The following TINAG variants were observed in gnomAD, a reference collection of about 807,000 sequenced individuals.
The protein encoded by TINAG is tubulointerstitial nephritis antigen.
A neutral mutation model predicts 72.7 loss-of-function variants in TINAG; 83 were observed. That is an observed-to-expected ratio of 1.14 (90% CI 0.96 to 1.37). TINAG has a LOEUF of 1.37. Ranked by LOEUF, TINAG falls within the 40% of genes most tolerant of loss-of-function variation. The pLI, the probability that TINAG is intolerant of heterozygous loss-of-function variation, is 0.00. For missense variants in TINAG, 685 were observed against 576.6 expected (o/e 1.19, Z -1.93); for synonymous variants, 234 against 189.9 (o/e 1.23, Z -1.91).
intron 1 of TINAG, among the ~76,000 whole-genome samples, chr6:54,311,632 T>TTC (rs1172318720): frequency 1.3e-5 from 2 of 152,168 alleles, no homozygotes. Context: ...GGGTTTGAGC[T>TTC]TCTCTTCATA....
At chr6:54,371,133 TG>T (rs1763591527) in intron 9 of TINAG, among the ~76,000 whole-genome samples, 1 of 150,106 alleles carries the variant, frequency 6.7e-6, no homozygotes, top group Non-Finnish European at 1.5e-5. Context: ...TGTGTGTGTG[TG>T]TGTGTCAGAG....
chr6:54,349,211 T>C (rs1389945978), intron 6 of TINAG, among the ~76,000 whole-genome samples: 1 of 151,848 alleles, frequency 6.6e-6, no homozygotes, highest in African/African-American at 2.4e-5. Context: ...GTTTGTATTA[T>C]GTGAACATAT....
At chr6:54,364,939 G>T (rs535889503) in intron 9 of TINAG, among the ~76,000 whole-genome samples, 2 of 151,412 alleles carry the variant, frequency 1.3e-5, no homozygotes, top group South Asian at 4.2e-4. Flanking sequence ...ATTATTTAGG[G>T]CAATTACAAA....
rs1191382973 is a variant in TINAG at position 54,326,891 on chromosome 6, T to C, written c.599T>C (p.Met200Thr). ...CTTGGCACTTTGCCACCTAGTCCCA[T>C]GCTCCTGAGCATGAATGAAATGACA... is the stretch of plus-strand genomic sequence containing the variant. Reference protein sequence around the residue: ...FRLGTLPPSPMLLSMNEMTAS... With the variant: ...FRLGTLPPSPTLLSMNEMTAS... The change falls in exon 4 of 11, where the codon ATG (methionine) becomes ACG (threonine). Residue 200 changes from methionine (M) to threonine (T), a missense_variant. Transcript: ENST00000259782. 3.7e-6 allele frequency: 6 copies of C among 1,612,638 alleles called. No individual in the cohort carries two copies. The South Asian group carries it at 5.5e-5, about 15-fold the overall frequency.
In TINAG at chr6:54,370,799, T is replaced by C. The variant is rs1056416680; in HGVS notation, c.1251-9727T>C. On this transcript the variant is annotated intron_variant, in intron 9 of 10. Coordinates refer to ENST00000259782, the MANE Select transcript of TINAG (RefSeq NM_014464.4). Reference sequence around the variant, plus strand: ...ATTTTTTTTCTGTTTTCAGTGCTGATTGAATCATGTTGCCTTGTCTGTCAG... The same window carrying C: ...ATTTTTTTTCTGTTTTCAGTGCTGACTGAATCATGTTGCCTTGTCTGTCAG... Among the ~76,000 whole-genome samples the C allele has an allele frequency of 6.6e-5, 10 of 152,132 alleles. No homozygotes were observed. The East Asian group carries it at 1.9e-3, about 29-fold the overall frequency.
In TINAG at chr6:54,335,463, T is replaced by C. The variant is rs187691296; in HGVS notation, c.625-7763T>C. 1.4e-3 allele frequency among the ~76,000 whole-genome samples: 213 copies of C among 152,252 alleles called. 1 individual carries two copies. The Middle Eastern group carries it at 0.037, about 27-fold the overall frequency. On this transcript the variant is annotated intron_variant, in intron 4 of 10. Coordinates refer to ENST00000259782, the MANE Select transcript of TINAG (RefSeq NM_014464.4). ...AGTAAGAGTTCTATTACACTTACGA[T>C]GTAAGTCAAGGAAATGCATCTTATT...
intron 9 of TINAG, among the ~76,000 whole-genome samples, chr6:54,357,395 T>G (rs1763086148): frequency 6.6e-6 from 1 of 151,934 alleles, no homozygotes; most frequent in South Asian, 2.1e-4. Flanking sequence ...AGCTCAGACC[T>G]CTTTCCTGAA....
At chr6:54,308,062 C>A (rs544665806), upstream of TINAG, 796 of 1,549,848 alleles carry the variant, frequency 5.1e-4, 2 homozygotes, top group Middle Eastern at 3.0e-3. Context: ...TAGCAGGCAA[C>A]CTCATGAGAG....
intron 4 of TINAG, among the ~76,000 whole-genome samples, chr6:54,333,219 A>G (rs886157425): frequency 3.3e-5 from 5 of 152,216 alleles, no homozygotes; most frequent in African/African-American, 4.8e-5. Flanking sequence ...GAACCAACCC[A>G]AATGCCCATC....
chr6:54,325,148 C>T (rs1784574943), intron 3 of TINAG, among the ~76,000 whole-genome samples: 1 of 152,196 alleles, frequency 6.6e-6, no homozygotes, highest in Non-Finnish European at 1.5e-5. Flanking sequence ...AGATAGAGAA[C>T]TAAATTTGCT....
rs1374072120 is a variant in TINAG, at chr6:54,378,381, C to A, written c.1251-2145C>A. ...ATGTAACAATCCGAATGCTGCTATT[C>A]TCTCTGGGTTTAGAATGACTGGTGT... On this transcript the variant is annotated intron_variant, in intron 9 of 10. Coordinates refer to ENST00000259782, the MANE Select transcript of TINAG (RefSeq NM_014464.4). Among the ~76,000 whole-genome samples the A allele has an allele frequency of 2.6e-5, 4 of 152,110 alleles. No individual in the cohort carries two copies. The East Asian group carries it at 7.7e-4, about 29-fold the overall frequency.
At chr6:54,346,765 C>T (rs192564965) in intron 5 of TINAG, among the ~76,000 whole-genome samples, 74 of 151,872 alleles carry the variant, frequency 4.9e-4, no homozygotes, top group Non-Finnish European at 5.9e-5. Flanking sequence ...GCTATGTAGC[C>T]TTTAGATACT....
At chr6:54,341,211 A>T (rs1379460233) in intron 4 of TINAG, among the ~76,000 whole-genome samples, 1 of 152,184 alleles carries the variant, frequency 6.6e-6, no homozygotes, top group African/African-American at 2.4e-5. Flanking sequence ...CTGACAAACC[A>T]ATAATACAAA....
rs779187863 is a variant in TINAG at position 54,343,346 on chromosome 6, G to A, written c.745G>A (p.Ala249Thr). 9.8e-6 allele frequency: 15 copies of A among 1,532,202 alleles called. No individual in the cohort carries two copies. The highest frequency in any genetic ancestry group is 1.3e-5 in the Non-Finnish European group (15 of 1,136,282). The allele number at this position is 1,532,202 out of a possible 1,614,324, so 94.9% of individuals were successfully genotyped here. ...NCAASWAFST[A>T]SVAADRIAIQ... ...TGCTGCATCCTGGGCATTTTCCACT[G>A]CAAGTAATAAAGTCATTTTAATTCC... Residue 249 changes from alanine to threonine, a missense_variant, in exon 5 of 11, where the codon GCA becomes ACA. By Grantham distance (58) the Ala-to-Thr change is moderately conservative. Transcript: ENST00000259782.
intron 9 of TINAG, among the ~76,000 whole-genome samples, chr6:54,360,141 A>G (rs1271886597): frequency 6.6e-6 from 1 of 151,696 alleles, no homozygotes; most frequent in Non-Finnish European, 1.5e-5. Context: ...ATAAGGTGAT[A>G]AAGGCTATAT....
chr6:54,385,899 T>C (rs531884422), intron 10 of TINAG, among the ~76,000 whole-genome samples: 2 of 142,664 alleles, frequency 1.4e-5, no homozygotes, highest in East Asian at 4.0e-4. Context: ...TTTTTTTTTT[T>C]TTTTTCAGAC....
chr6:54,374,009 T>C (rs2397157), intron 9 of TINAG, among the ~76,000 whole-genome samples: 2 of 152,122 alleles, frequency 1.3e-5, no homozygotes, highest in African/African-American at 2.4e-5. Flanking sequence ...GTCAGCATAG[T>C]AAATACAGAA....
rs545385206 is a variant in TINAG at position 54,360,162 on chromosome 6, A to G, written c.1250+5526A>G. Reference sequence around the variant, plus strand: ...TGATAAAGGCTATATATTCCCATACATATAACTCACAGGACTGTGGTAGGT... The same window carrying G: ...TGATAAAGGCTATATATTCCCATACGTATAACTCACAGGACTGTGGTAGGT... On this transcript the variant is annotated intron_variant, in intron 9 of 10. Transcript: ENST00000259782. Among the ~76,000 whole-genome samples, 380 of 151,774 alleles carry G rather than the reference A, an allele frequency of 2.5e-3. 4 individuals carry two copies. The highest frequency in any genetic ancestry group is 8.7e-3 in the African/African-American group (359 of 41,480).
intron 10 of TINAG, among the ~76,000 whole-genome samples, chr6:54,386,167 AG>A (rs1165321422): frequency 6.6e-6 from 1 of 152,178 alleles, no homozygotes; most frequent in African/African-American, 2.4e-5. Context: ...CTGGAATTAC[AG>A]GCGTGAGCCA....
Sources: allele counts gnomAD v4.1 joint callset (sites outside exome capture counted in the v4.1 genomes callset), GRCh38; gene constraint gnomAD v4.1.1; transcripts MANE v1.5; gene names NCBI Gene and HGNC (gene_info 2026-07-23, HGNC 2026-07-21).